The following KAZN variants were observed in gnomAD, a reference collection of about 807,000 sequenced individuals.
KAZN encodes the protein kazrin, periplakin interacting protein.
A neutral mutation model predicts 87.4 loss-of-function variants in KAZN; 40 were observed. The observed-to-expected ratio is 0.46, with a 90% confidence interval of 0.36 to 0.60. The LOEUF (loss-of-function observed/expected upper bound fraction) is 0.60, where lower values mean the gene tolerates loss of function less well. KAZN is among the 20% of genes least tolerant of loss of function. The probability of loss-of-function intolerance (pLI) is 0.00; values close to 1 mark genes in which losing one functional copy is unlikely to be tolerated. For missense variants in KAZN, 898 were observed against 1,073.9 expected, an observed-to-expected ratio of 0.84 and a Z score of 2.29; for synonymous variants, 466 against 458.3, an observed-to-expected ratio of 1.02 and a Z score of -0.22.
intron 1 of KAZN, among the ~76,000 whole-genome samples, chr1:14,043,369 G>A (rs1254882298): frequency 6.6e-6 from 1 of 152,106 alleles, no homozygotes. Context: ...CCAGCCTTTT[G>A]GCTGTTGTGA....
chr1:15,017,426 G>A (rs1454781878), intron 2 of KAZN, among the ~76,000 whole-genome samples: 1 of 152,204 alleles, frequency 6.6e-6, no homozygotes, highest in Admixed American at 6.5e-5. Flanking sequence ...TATTTATCTT[G>A]TTCTTGACCT....
At chr1:14,512,509 GAA>G (rs1360173457) in intron 2 of KAZN, among the ~76,000 whole-genome samples, 3 of 120,772 alleles carry the variant, frequency 2.5e-5, no homozygotes, top group Non-Finnish European at 4.8e-5. Flanking sequence ...GAGAACCACT[GAA>G]TTAGGCTGCA....
intron 1 of KAZN, among the ~76,000 whole-genome samples, chr1:14,744,146 T>TG (rs1433427526): frequency 6.6e-6 from 1 of 152,206 alleles, no homozygotes; most frequent in African/African-American, 2.4e-5. Context: ...TCCTTATGTG[T>TG]GGGCATCATT....
At chr1:14,349,789 TA>T (rs1658389069) in intron 2 of KAZN, among the ~76,000 whole-genome samples, 1 of 152,152 alleles carries the variant, frequency 6.6e-6, no homozygotes, top group Non-Finnish European at 1.5e-5. Context: ...CCTGGCAGGC[TA>T]AAGAGCATGG....
chr1:14,388,069 C>A (rs1349353214), intron 2 of KAZN, among the ~76,000 whole-genome samples: 1 of 152,262 alleles, frequency 6.6e-6, no homozygotes, highest in East Asian at 1.9e-4. Context: ...TGGGAGTGAC[C>A]CGATTTTCCA....
At chr1:14,103,067 C>T (rs933264108) in intron 1 of KAZN, among the ~76,000 whole-genome samples, 1 of 152,052 alleles carries the variant, frequency 6.6e-6, no homozygotes, top group African/African-American at 2.4e-5. Flanking sequence ...TAGGTGTGCA[C>T]CACCACACCT....
At chr1:14,497,386 C>T (rs1009909094) in intron 2 of KAZN, among the ~76,000 whole-genome samples, 1 of 139,252 alleles carries the variant, frequency 7.2e-6, no homozygotes, top group African/African-American at 2.6e-5. Flanking sequence ...TTAAATTCAG[C>T]TGCAAGAGCC....
intron 14 of KAZN, chr1:15,113,029 A>T (rs1313482294): frequency 6.1e-6 from 1 of 162,928 alleles, no homozygotes; most frequent in Non-Finnish European, 1.4e-5. Flanking sequence ...GTATGAAAAC[A>T]TGTGCAGTTC....
In KAZN at chr1:14,514,375, A is replaced by ATATATATTTATATATATTT. The variant is rs1491445643; in HGVS notation, c.250-84608_250-84607insTATATATTTATATATATTT. ...ATATTATATATATATTTATATATAT[A>ATATATATTTATATATATTT]ATATATATATATTATATATATTTAT... On this transcript the variant is annotated intron_variant, in intron 2 of 16. Transcript: ENST00000636203. Among the ~76,000 whole-genome samples, 19 of 14,444 alleles carry ATATATATTTATATATATTT rather than the reference A, an allele frequency of 1.3e-3. 2 individuals are homozygous for ATATATATTTATATATATTT. The highest frequency in any genetic ancestry group is 4.8e-3 in the African/African-American group (18 of 3,780). 9.5% of individuals were successfully genotyped at this position (14,444 alleles called of 152,430 possible). A position where few individuals can be genotyped will look rare whatever the true frequency, so the allele number is the denominator to read the frequency against.
At chr1:14,512,031 T>C (rs1670933713) in intron 2 of KAZN, among the ~76,000 whole-genome samples, 1 of 152,032 alleles carries the variant, frequency 6.6e-6, no homozygotes, top group Non-Finnish European at 1.5e-5. Flanking sequence ...CTGGAGAAAA[T>C]GTGGAGGGCA....
intron 2 of KAZN, among the ~76,000 whole-genome samples, chr1:14,372,717 C>G (rs550827848): frequency 6.6e-6 from 1 of 152,170 alleles, no homozygotes; most frequent in Non-Finnish European, 1.5e-5. Flanking sequence ...CCTCTTGAGT[C>G]GCACCCTGTG....
intron 1 of KAZN, among the ~76,000 whole-genome samples, chr1:14,105,070 G>A (rs753248475): frequency 6.6e-6 from 1 of 152,160 alleles, no homozygotes; most frequent in East Asian, 1.9e-4. Flanking sequence ...GGGATACACT[G>A]TGCTCTATTT....
chr1:14,040,080 C>CAT (rs1553119395), intron 1 of KAZN, among the ~76,000 whole-genome samples: 4 of 148,722 alleles, frequency 2.7e-5, no homozygotes, highest in African/African-American at 7.5e-5. Flanking sequence ...TGTGTGTGCA[C>CAT]GTGTGTGTGT....
Position 14,608,705 on chromosome 1 carries a change from T to TA in KAZN, c.226+9491dup, listed in dbSNP as rs200560481. 1.3e-3 allele frequency among the ~76,000 whole-genome samples: 204 copies of TA among 151,718 alleles called. 3 individuals are homozygous for TA. The East Asian group carries it at 0.019, about 14-fold the overall frequency. Reference sequence around the variant, plus strand: ...TTTCTGTCCTCTTTTCAAAGAGAGTTAAAAAAAAAGATGTGAATTTCAGGA... The same window carrying TA: ...TTTCTGTCCTCTTTTCAAAGAGAGTTAAAAAAAAAAGATGTGAATTTCAGGA... On this transcript the variant is annotated intron_variant, in intron 1 of 14. Coordinates refer to ENST00000376030, the MANE Select transcript of KAZN (RefSeq NM_201628.3).
intron 2 of KAZN, among the ~76,000 whole-genome samples, chr1:14,438,086 C>T (rs572054094): frequency 1.4e-3 from 181 of 125,004 alleles, no homozygotes; most frequent in Non-Finnish European, 2.3e-3. Flanking sequence ...AAAGTTATTT[C>T]CCTAAAGCCA....
At position 14,517,742 on chromosome 1, in the gene KAZN, C is replaced by A. The variant is rs184598712; in HGVS notation, c.250-81241C>A. 5.9e-5 allele frequency among the ~76,000 whole-genome samples: 9 copies of A among 152,322 alleles called. No individual in the cohort carries two copies. In the East Asian group the frequency reaches 1.4e-3, roughly 23 times the overall value. On this transcript the variant is annotated intron_variant, in intron 2 of 16. Coordinates refer to the KAZN transcript ENST00000636203. ...CCTAATCTCTTTTTAAAGGGCAGTT[C>A]TTTGGAACAGGATGCTGCTTAAATA...
At position 14,598,983 on chromosome 1, in the gene KAZN, G is replaced by T. The variant is rs757430431; in HGVS notation, c.-15G>T. 5.1e-6 allele frequency: 8 copies of T among 1,567,020 alleles called. No homozygotes were observed. The highest frequency in any genetic ancestry group is 6.0e-6 in the Non-Finnish European group (7 of 1,160,326). On this transcript the variant is annotated 5_prime_UTR_variant, in exon 1 of 15. Transcript: ENST00000376030. The surrounding 1 kb of genome is among the most constrained non-coding windows in gnomAD (Gnocchi z 4.2). Reference sequence around the variant, plus strand: ...TCTTTGTCACCTCTCTCGCCCCCAGGCCAAAATCCTGAGCATGATGGAAGA... The same window carrying T: ...TCTTTGTCACCTCTCTCGCCCCCAGTCCAAAATCCTGAGCATGATGGAAGA...
At chr1:14,667,884 G>T (rs1053401384) in intron 1 of KAZN, among the ~76,000 whole-genome samples, 1 of 151,286 alleles carries the variant, frequency 6.6e-6, no homozygotes, top group Non-Finnish European at 1.5e-5. Flanking sequence ...TGATCAAATC[G>T]CTCCTTGAAG....
At chr1:15,014,403 G>A (rs558150518) in intron 2 of KAZN, among the ~76,000 whole-genome samples, 9 of 152,248 alleles carry the variant, frequency 5.9e-5, no homozygotes, top group East Asian at 1.9e-4. Flanking sequence ...AGTGCTCCAC[G>A]GCGGAGGCTG....
Sources: gnomAD v4.1 joint callset for allele counts (sites outside exome capture counted in the v4.1 genomes callset) on GRCh38, gnomAD v4.1.1 for gene constraint, Gnocchi (gnomAD v3.1) non-coding constraint, MANE v1.5 for transcripts, NCBI Gene and HGNC (gene_info 2026-07-23, HGNC 2026-07-21) for gene names.